The following SMCO4 variants were observed in gnomAD, a reference collection of about 807,000 sequenced individuals.
The protein encoded by SMCO4 is single-pass membrane protein with coiled-coil domains 4.
In SMCO4, 4 loss-of-function variants were observed where a neutral mutation model predicts 3.6. The ratio of observed to expected loss-of-function variants is 1.11; its 90% confidence interval spans 0.54 to 2.53. SMCO4 has a LOEUF of 2.53. Ranked by LOEUF, SMCO4 falls within the 30% of genes most tolerant of loss-of-function variation. The pLI is 0.02. For synonymous variants in SMCO4, 36 were observed against 35.3 expected, an observed-to-expected ratio of 1.02 and a Z score of -0.07; for missense variants, 70 against 80.8, an observed-to-expected ratio of 0.87 and a Z score of 0.51.
intron 1 of SMCO4, among the ~76,000 whole-genome samples, chr11:93,538,555 G>A (rs554783849): frequency 2.0e-5 from 3 of 152,326 alleles, no homozygotes; most frequent in South Asian, 4.1e-4. Flanking sequence ...GGGTGGCACA[G>A]GGAAGGGAAG....
chr11:93,530,830 C>T (rs1949155138), intron 1 of SMCO4, among the ~76,000 whole-genome samples: 2 of 152,172 alleles, frequency 1.3e-5, no homozygotes, highest in African/African-American at 4.8e-5. Context: ...CAAAGCCCTC[C>T]TTGACCACCT....
chr11:93,534,347 T>C (rs1949196416), intron 1 of SMCO4, among the ~76,000 whole-genome samples: 1 of 138,190 alleles, frequency 7.2e-6, no homozygotes, highest in African/African-American at 2.7e-5. Flanking sequence ...TACACATATA[T>C]ATACACATAC....
At chr11:93,539,958 TAA>T (rs1179925575) in intron 1 of SMCO4, among the ~76,000 whole-genome samples, 3 of 137,684 alleles carry the variant, frequency 2.2e-5, no homozygotes, top group Admixed American at 7.3e-5. Context: ...AAAATTAATT[TAA>T]AAAAAAAAAA....
intron 1 of SMCO4, among the ~76,000 whole-genome samples, chr11:93,503,900 T>A (rs1455165793): frequency 6.6e-6 from 1 of 152,214 alleles, no homozygotes; most frequent in Non-Finnish European, 1.5e-5. Flanking sequence ...CTAATACAAG[T>A]CCATGTTGCT....
In SMCO4 at chr11:93,484,897, G is replaced by A. The variant is rs530991284; in HGVS notation, c.-80-5628C>T. On this transcript the variant is annotated intron_variant, in intron 2 of 2. Coordinates refer to ENST00000298966, the MANE Select transcript of SMCO4 (RefSeq NM_020179.3). Reference sequence around the variant, plus strand: ...GACCTGCTAACCCTGTGCAGCCAATGCAGCAGCCACCGGCCATGTGTTGAA... The same window carrying A: ...GACCTGCTAACCCTGTGCAGCCAATACAGCAGCCACCGGCCATGTGTTGAA... Among the ~76,000 whole-genome samples the A allele has an allele frequency of 7.2e-5, 11 of 152,226 alleles. No individual in the cohort carries two copies. In the East Asian group the frequency reaches 1.9e-3, roughly 27 times the overall value.
intron 2 of SMCO4, among the ~76,000 whole-genome samples, chr11:93,482,724 G>A (rs1416869072): frequency 1.3e-5 from 2 of 152,196 alleles, no homozygotes; most frequent in Non-Finnish European, 1.5e-5. Flanking sequence ...TATTTGGCCA[G>A]GGAAAAACTG....
At chr11:93,506,173 G>A (rs988189675) in intron 1 of SMCO4, among the ~76,000 whole-genome samples, 2 of 152,216 alleles carry the variant, frequency 1.3e-5, no homozygotes, top group African/African-American at 4.8e-5. Context: ...GGTAGAGGGG[G>A]CATGGAGCCA....
chr11:93,552,929 A>T, the SMCO4 span, among the ~76,000 whole-genome samples: 20,498 of 152,062 alleles, frequency 0.13, 1,860 homozygotes, highest in African/African-American at 0.25. Flanking sequence ...AAGGTGTGCA[A>T]CTTTCCCCTA....
chr11:93,548,010 C>T (rs1949325788), upstream of SMCO4, among the ~76,000 whole-genome samples: 3 of 152,176 alleles, frequency 2.0e-5, no homozygotes, highest in South Asian at 6.2e-4. Context: ...GAAGTAGGAA[C>T]CCTCAAAACT....
intron 1 of SMCO4, among the ~76,000 whole-genome samples, chr11:93,513,794 A>C (rs1399442591): frequency 2.0e-5 from 3 of 152,220 alleles, no homozygotes; most frequent in Admixed American, 2.0e-4. Context: ...GTTATTAATA[A>C]GGAATGCATT....
intron 1 of SMCO4, among the ~76,000 whole-genome samples, chr11:93,509,314 T>C: frequency 6.7e-6 from 1 of 148,174 alleles, no homozygotes; most frequent in East Asian, 2.0e-4. Context: ...AAAAAAAAAG[T>C]TGCTCACAAG....
chr11:93,539,993 G>A (rs1325030858), intron 1 of SMCO4, among the ~76,000 whole-genome samples: 1 of 151,398 alleles, frequency 6.6e-6, no homozygotes, highest in Non-Finnish European at 1.5e-5. Context: ...CACAAAATGG[G>A]CAAAGGGAAA....
intron 1 of SMCO4, among the ~76,000 whole-genome samples, chr11:93,515,988 T>C (rs926717276): frequency 2.0e-5 from 3 of 152,182 alleles, no homozygotes; most frequent in East Asian, 1.9e-4. Context: ...TTTTCCTTTG[T>C]AATTTCTACA....
At chr11:93,516,609 G>A (rs148484522) in intron 1 of SMCO4, among the ~76,000 whole-genome samples, 160 of 152,212 alleles carry the variant, frequency 1.1e-3, no homozygotes, top group African/African-American at 3.6e-3. Flanking sequence ...AGCCAACATG[G>A]TGAAACCCCA....
intron 1 of SMCO4, among the ~76,000 whole-genome samples, chr11:93,526,842 G>A (rs749409347): frequency 1.3e-5 from 2 of 152,164 alleles, no homozygotes; most frequent in Non-Finnish European, 2.9e-5. Context: ...TCTACCACAC[G>A]GCACAATCAG....
chr11:93,489,378 A>G (rs1416666904), intron 2 of SMCO4, among the ~76,000 whole-genome samples: 1 of 152,218 alleles, frequency 6.6e-6, no homozygotes, highest in East Asian at 1.9e-4. Context: ...CTCAAAGAAG[A>G]GCATCTGCTT....
chr11:93,504,030 A>G (rs1400761184), intron 1 of SMCO4, among the ~76,000 whole-genome samples: 1 of 152,210 alleles, frequency 6.6e-6, no homozygotes, highest in African/African-American at 2.4e-5. Flanking sequence ...GTTTATAGTG[A>G]TTATCTCTGA....
At chr11:93,542,286 C>T (rs1949277231) in intron 1 of SMCO4, among the ~76,000 whole-genome samples, 1 of 152,160 alleles carries the variant, frequency 6.6e-6, no homozygotes, top group Non-Finnish European at 1.5e-5. Flanking sequence ...TGAGCAGATG[C>T]GCTGTTGGGC....
chr11:93,484,506 C>G (rs1225541069), intron 2 of SMCO4, among the ~76,000 whole-genome samples: 1 of 152,138 alleles, frequency 6.6e-6, no homozygotes, highest in Non-Finnish European at 1.5e-5. Context: ...CTCTCCTCCT[C>G]TGTAAAATGG....
Sources: allele counts gnomAD v4.1 joint callset (sites outside exome capture counted in the v4.1 genomes callset), GRCh38; gene constraint gnomAD v4.1.1; transcripts MANE v1.5; gene names NCBI Gene and HGNC (gene_info 2026-07-23, HGNC 2026-07-21).